The following MACROD2 variants were observed in gnomAD, a reference collection of about 807,000 sequenced individuals.
MACROD2 encodes the protein mono-ADP ribosylhydrolase 2.
A neutral mutation model predicts 70.4 loss-of-function variants in MACROD2; 36 were observed. That is an observed-to-expected ratio of 0.51 (90% CI 0.39 to 0.68). The LOEUF is 0.68. MACROD2 is among the 30% of genes least tolerant of loss of function. The pLI is 0.00. For missense variants in MACROD2, 496 were observed against 538.4 expected (o/e 0.92, Z 0.78); for synonymous variants, 172 against 178.8 (o/e 0.96, Z 0.30).
intron 6 of MACROD2, among the ~76,000 whole-genome samples, chr20:15,268,537 C>T (rs755482541): frequency 5.3e-5 from 8 of 152,078 alleles, no homozygotes; most frequent in Non-Finnish European, 7.4e-5. Context: ...GCCTGTAATC[C>T]TAGCTACTCA....
At chr20:16,023,958 A>T (rs547885597) in intron 15 of MACROD2, among the ~76,000 whole-genome samples, 1 of 152,266 alleles carries the variant, frequency 6.6e-6, no homozygotes, top group Admixed American at 6.5e-5. Flanking sequence ...AAATGTAGGC[A>T]CTTGAGGAGG....
chr20:14,993,325 A>C (rs539902311), intron 5 of MACROD2, among the ~76,000 whole-genome samples: 1 of 151,056 alleles, frequency 6.6e-6, no homozygotes, highest in African/African-American at 2.4e-5. Context: ...TATCATATTT[A>C]GATCAACTGC....
At chr20:14,478,921 A>T (rs2084629774) in intron 3 of MACROD2, among the ~76,000 whole-genome samples, 1 of 151,478 alleles carries the variant, frequency 6.6e-6, no homozygotes, top group South Asian at 2.1e-4. Context: ...GACAGAACAC[A>T]TTTTTCTAGG....
intron 8 of MACROD2, among the ~76,000 whole-genome samples, chr20:15,538,642 G>A (rs2047910275): frequency 6.6e-6 from 1 of 152,160 alleles, no homozygotes; most frequent in African/African-American, 2.4e-5. Context: ...TGAGAAGAGA[G>A]CAAGGCCCAT....
At chr20:15,279,333 G>A (rs1306396867) in intron 6 of MACROD2, among the ~76,000 whole-genome samples, 1 of 152,118 alleles carries the variant, frequency 6.6e-6, no homozygotes, top group Non-Finnish European at 1.5e-5. Context: ...GGGATTTGCA[G>A]GAAAGCCGGG....
rs753510773 is a variant in MACROD2 at position 14,598,665 on chromosome 20, A to C, written c.302-86178A>C. Among the ~76,000 whole-genome samples, 7 of 152,306 alleles carry C rather than the reference A, an allele frequency of 4.6e-5. No homozygotes were observed. In the South Asian group the frequency reaches 1.2e-3, roughly 27 times the overall value. The stretch of plus-strand genomic sequence containing the variant: ...CTAGGTGTACTTACTGTGAAAATGT[A>C]AAATTTATTTGCTGTGAAGCTTTCC... On this transcript the variant is annotated intron_variant, in intron 4 of 17. Transcript: ENST00000684519.
intron 13 of MACROD2, 54 bp downstream of exon 13, chr20:15,967,684 A>T (rs2066164097): frequency 2.1e-4 from 210 of 1,007,084 alleles, no homozygotes; most frequent in East Asian, 2.5e-4. Context: ...GGAAACAGAA[A>T]AAAAAAAAAA....
At chr20:15,676,552 C>T (rs2050060095) in intron 8 of MACROD2, among the ~76,000 whole-genome samples, 1 of 152,202 alleles carries the variant, frequency 6.6e-6, no homozygotes, top group Admixed American at 6.5e-5. Context: ...TCCCACCCTA[C>T]CTCCAGTCAA....
chr20:15,444,851 A>C (rs1375198917), intron 7 of MACROD2, among the ~76,000 whole-genome samples: 1 of 152,194 alleles, frequency 6.6e-6, no homozygotes, highest in Non-Finnish European at 1.5e-5. Context: ...AATGAGGTTC[A>C]TATAGGTAAT....
Position 15,692,695 on chromosome 20 carries a change from A to G in MACROD2, c.646-170050A>G, listed in dbSNP as rs559984791. ...GTACAGGACCTCAAGTCCTAATGAC[A>G]AAAGTAATAGTAATATGATTCACTT... On this transcript the variant is annotated intron_variant, in intron 8 of 17. Coordinates refer to ENST00000684519, the MANE Select transcript of MACROD2 (RefSeq NM_001351661.2). Among the ~76,000 whole-genome samples, 49 of 152,278 alleles carry G rather than the reference A, an allele frequency of 3.2e-4. 1 individual carries two copies. The highest frequency in any genetic ancestry group is 5.6e-4 in the Non-Finnish European group (38 of 68,024).
chr20:15,553,616 C>T (rs1160470209), intron 8 of MACROD2, among the ~76,000 whole-genome samples: 1 of 152,058 alleles, frequency 6.6e-6, no homozygotes, highest in Non-Finnish European at 1.5e-5. Flanking sequence ...GTTGGGGTTC[C>T]ACCATGTTGC....
intron 3 of MACROD2, among the ~76,000 whole-genome samples, chr20:14,147,792 G>A (rs564388703): frequency 1.3e-5 from 2 of 152,076 alleles, no homozygotes; most frequent in Non-Finnish European, 2.9e-5. Context: ...TTGAAAAACA[G>A]TCACTGAGCA....
intron 10 of MACROD2, among the ~76,000 whole-genome samples, chr20:15,886,525 A>T (rs760911307): frequency 2.0e-4 from 31 of 152,294 alleles, no homozygotes; most frequent in Non-Finnish European, 4.1e-4. Flanking sequence ...TGTAAGACCT[A>T]AAATATTGCT....
At chr20:14,866,771 G>C (rs1364047421) in intron 5 of MACROD2, among the ~76,000 whole-genome samples, 1 of 152,094 alleles carries the variant, frequency 6.6e-6, no homozygotes, top group Non-Finnish European at 1.5e-5. Flanking sequence ...GTTTTTGAAT[G>C]TGGGTAGGAA....
At position 14,658,347 on chromosome 20, in the gene MACROD2, CT is replaced by C. The variant is rs367840887; in HGVS notation, c.302-26494del. On this transcript the variant is annotated intron_variant, in intron 4 of 17. Transcript: ENST00000684519. ...GAGACAGATATCTTGATCTCAGAAA[CT>C]TAAATTATCTTAATACTTTCTGGAG... Among the ~76,000 whole-genome samples the C allele has an allele frequency of 5.1e-4, 78 of 151,470 alleles. No homozygotes were observed. The South Asian group carries it at 0.016, about 31-fold the overall frequency.
Position 14,644,801 on chromosome 20 carries a change from A to G in MACROD2, c.302-40042A>G, listed in dbSNP as rs561303616. Among the ~76,000 whole-genome samples, 7 of 152,278 alleles carry G rather than the reference A, an allele frequency of 4.6e-5. No homozygotes were observed. The East Asian group carries it at 1.4e-3, about 29-fold the overall frequency. ...CTGTTGTGTTCAAACTTCAAATACA[A>G]TAGTAACTCCAGATGCCATTTTTGT... On this transcript the variant is annotated intron_variant, in intron 4 of 17. Transcript: ENST00000684519.
intron 4 of MACROD2, among the ~76,000 whole-genome samples, chr20:14,518,901 G>T (rs1055284267): frequency 1.3e-5 from 2 of 152,124 alleles, no homozygotes; most frequent in African/African-American, 4.8e-5. Flanking sequence ...AATCCTTAAA[G>T]CTGGAACAAG....
chr20:14,706,207 T>C (rs1392796912), intron 5 of MACROD2, among the ~76,000 whole-genome samples: 1 of 151,566 alleles, frequency 6.6e-6, no homozygotes, highest in Non-Finnish European at 1.5e-5. Flanking sequence ...CCAGCTACTG[T>C]GGAGGCTGAG....
intron 2 of MACROD2, among the ~76,000 whole-genome samples, chr20:14,019,870 A>T (rs1346290775): frequency 1.3e-5 from 2 of 152,142 alleles, no homozygotes; most frequent in Non-Finnish European, 2.9e-5. Flanking sequence ...AATGGCTGGT[A>T]ATTGTTTAAC....
Sources: gnomAD v4.1 joint callset for allele counts (sites outside exome capture counted in the v4.1 genomes callset) on GRCh38, gnomAD v4.1.1 for gene constraint, MANE v1.5 for transcripts, NCBI Gene and HGNC (gene_info 2026-07-23, HGNC 2026-07-21) for gene names.